The following TRIP12 variants were observed in gnomAD, a reference collection of about 807,000 sequenced individuals.
TRIP12 encodes the protein thyroid hormone receptor interactor 12.
A neutral mutation model predicts 244.2 loss-of-function variants in TRIP12; 25 were observed. The observed-to-expected ratio is 0.10, with a 90% CI of 0.07 to 0.14. The LOEUF is 0.14. TRIP12 is among the 10% of genes least tolerant of loss of function. The pLI is 1.00. For synonymous variants in TRIP12, 905 were observed against 873.1 expected, an observed-to-expected ratio of 1.04 and a Z score of -0.64; for missense variants, 1,677 against 2,486.4, an observed-to-expected ratio of 0.67 and a Z score of 6.92.
chr2:229,877,058 T>C (rs1157823847), intron 2 of TRIP12, among the ~76,000 whole-genome samples: 9 of 151,702 alleles, frequency 5.9e-5, no homozygotes, highest in Admixed American at 5.9e-4. Context: ...ATTTTTGCTA[T>C]TAAAAAAAAC....
At chr2:229,794,995 ATGG>A in intron 26 of TRIP12, 181 bp downstream of exon 26, 3 of 561,112 alleles carry the variant, frequency 5.3e-6, no homozygotes, top group Non-Finnish European at 8.8e-6. Context: ...TTTAAGGCAT[ATGG>A]TATAATTTTA....
chr2:229,858,756 C>CT lies in TRIP12; in HGVS notation c.1027+15dup, dbSNP rs781627371. ...ACTTTCTTTAATTAAAGAAAAATAC[C>CT]TTTTTGTAAACTTACTTGCTAATTT... On this transcript the variant is annotated intron_variant, in intron 4 of 41. Coordinates refer to ENST00000675903, the MANE Select transcript of TRIP12 (RefSeq NM_001348323.3). 1.6e-5 allele frequency: 24 copies of CT among 1,542,994 alleles called. No individual in the cohort carries two copies. Among genetic ancestry groups the CT allele is most frequent in the African/African-American group, 4.2e-5 (3 of 71,884 alleles).
intron 4 of TRIP12, among the ~76,000 whole-genome samples, chr2:229,852,426 T>A (rs2058887909): frequency 6.6e-6 from 1 of 152,102 alleles, no homozygotes; most frequent in Admixed American, 6.5e-5. Context: ...GAAGCCAAAC[T>A]ATTATAAAAT....
At chr2:229,849,422 A>C (rs1217147022) in intron 4 of TRIP12, among the ~76,000 whole-genome samples, 1 of 152,142 alleles carries the variant, frequency 6.6e-6, no homozygotes, top group Non-Finnish European at 1.5e-5. Context: ...ATTTTCCCTA[A>C]GGGGAACACA....
intron 1 of TRIP12, among the ~76,000 whole-genome samples, chr2:229,881,889 G>A (rs1050132689): frequency 2.0e-5 from 3 of 152,202 alleles, no homozygotes; most frequent in African/African-American, 2.4e-5. Flanking sequence ...AGGACTGGGG[G>A]ATCCAGAGTT....
intron 5 of TRIP12, among the ~76,000 whole-genome samples, chr2:229,839,030 C>G (rs916485027): frequency 6.6e-6 from 1 of 152,182 alleles, no homozygotes; most frequent in African/African-American, 2.4e-5. Context: ...AGTGTTGATG[C>G]ATTTACTAGA....
chr2:229,884,236 C>CT (rs200052292), intron 1 of TRIP12, among the ~76,000 whole-genome samples: 58,392 of 123,570 alleles, frequency 0.47, 14,600 homozygotes, highest in East Asian at 0.65. Flanking sequence ...TTTTTCTTTT[C>CT]TTTTTTTTTT....
At chr2:229,902,084 C>A (rs549254846) in intron 1 of TRIP12, among the ~76,000 whole-genome samples, 1 of 152,258 alleles carries the variant, frequency 6.6e-6, no homozygotes, top group Non-Finnish European at 1.5e-5. Context: ...ATTTCACTAA[C>A]CTCTAATTGA....
intron 34 of TRIP12, among the ~76,000 whole-genome samples, chr2:229,781,992 CTTG>C (rs2038331161): frequency 6.6e-6 from 1 of 152,078 alleles, no homozygotes; most frequent in South Asian, 2.1e-4. Context: ...ACATTTTGAG[CTTG>C]TTTAGGTTTC....
rs544698855 is a variant in TRIP12, at chr2:229,850,511, T to A, written c.1027+8261A>T. The stretch of plus-strand genomic sequence containing the variant: ...ACCTTTTTCACGCAAGTAGAGATGA[T>A]CCTGCAAGATGCAAGTTGGTGAAAC... On this transcript the variant is annotated intron_variant, in intron 4 of 41. Coordinates refer to ENST00000675903, the MANE Select transcript of TRIP12 (RefSeq NM_001348323.3). Among the ~76,000 whole-genome samples, 12 of 152,342 alleles carry A rather than the reference T, an allele frequency of 7.9e-5. No homozygotes were observed. In the East Asian group the frequency reaches 2.3e-3, roughly 29 times the overall value.
intron 1 of TRIP12, among the ~76,000 whole-genome samples, chr2:229,884,899 G>A (rs1018531637): frequency 8.5e-5 from 13 of 152,192 alleles, no homozygotes; most frequent in African/African-American, 2.9e-4. Flanking sequence ...AAGCCTGGGA[G>A]GACGAGGCTG....
chr2:229,847,793 T>C (rs1435218229), intron 4 of TRIP12, among the ~76,000 whole-genome samples: 2 of 152,220 alleles, frequency 1.3e-5, no homozygotes, highest in African/African-American at 2.4e-5. Flanking sequence ...CCCACACTTG[T>C]ACAGCTGGGT....
At chr2:229,816,776 T>C (rs548564595) in intron 9 of TRIP12, among the ~76,000 whole-genome samples, 1 of 152,342 alleles carries the variant, frequency 6.6e-6, no homozygotes, top group East Asian at 1.9e-4. Context: ...AGCCTAGTTA[T>C]TTGTTGCTAG....
intron 37 of TRIP12, among the ~76,000 whole-genome samples, chr2:229,776,289 A>AT (rs2036237231): frequency 6.6e-6 from 1 of 151,944 alleles, no homozygotes; most frequent in African/African-American, 2.4e-5. Flanking sequence ...TTGTTTTTCC[A>AT]TTATTTACCT....
chr2:229,896,520 G>A lies in TRIP12; in HGVS notation c.-49-16392C>T, dbSNP rs145823433. On this transcript the variant is annotated intron_variant, in intron 1 of 41. Coordinates refer to ENST00000675903, the MANE Select transcript of TRIP12 (RefSeq NM_001348323.3). ...GGGCATGGTCAGGAGGCTGAGGCAG[G>A]AGAATCGCTTGAACCTGGGAGGTGA... Among the ~76,000 whole-genome samples the A allele has an allele frequency of 3.1e-3, 474 of 152,068 alleles. 2 individuals carry two copies. The highest frequency in any genetic ancestry group is 0.011 in the African/African-American group (453 of 41,524).
At chr2:229,917,894 T>C (rs1421864095) in intron 1 of TRIP12, among the ~76,000 whole-genome samples, 1 of 152,098 alleles carries the variant, frequency 6.6e-6, no homozygotes, top group East Asian at 1.9e-4. Context: ...AGTCTCACTA[T>C]GTTGCCTGGG....
intron 2 of TRIP12, among the ~76,000 whole-genome samples, chr2:229,864,640 T>C (rs2154340729): frequency 6.6e-6 from 1 of 152,292 alleles, no homozygotes; most frequent in South Asian, 2.1e-4. Context: ...CTTTCCCCAT[T>C]TTCAGTTTAT....
In TRIP12 at chr2:229,886,611, C is replaced by T. The variant is rs114345372; in HGVS notation, c.-49-6483G>A. Reference sequence around the variant, plus strand: ...CCTCCCGGGTAGCTGGGACTACAGTCGTGCAACACCATGCATGGCTAATTT... The same window carrying T: ...CCTCCCGGGTAGCTGGGACTACAGTTGTGCAACACCATGCATGGCTAATTT... On this transcript the variant is annotated intron_variant, in intron 1 of 41. Transcript: ENST00000675903. 3.4e-3 allele frequency among the ~76,000 whole-genome samples: 523 copies of T among 152,058 alleles called. 3 individuals are homozygous for T. Among genetic ancestry groups the T allele is most frequent in the Middle Eastern group, 0.014 (4 of 292 alleles).
At chr2:229,905,870 C>T (rs1235137387) in intron 1 of TRIP12, among the ~76,000 whole-genome samples, 1 of 152,102 alleles carries the variant, frequency 6.6e-6, no homozygotes, top group Admixed American at 6.6e-5. Flanking sequence ...TATCCAATAG[C>T]CAATGAGGGC....
Sources: gnomAD v4.1 joint callset for allele counts (sites outside exome capture counted in the v4.1 genomes callset) on GRCh38, gnomAD v4.1.1 for gene constraint, MANE v1.5 for transcripts, NCBI Gene and HGNC (gene_info 2026-07-23, HGNC 2026-07-21) for gene names.